The following PLAAT1 variants were observed in gnomAD, a reference collection of about 807,000 sequenced individuals.
PLAAT1 encodes phospholipase A and acyltransferase 1.
In PLAAT1, 13 loss-of-function variants were observed where a neutral mutation model predicts 16.4. That is an observed-to-expected ratio of 0.79 (90% CI 0.52 to 1.26). The LOEUF is 1.26. Among genes scored for constraint, PLAAT1 ranks in the 50% most tolerant of loss-of-function variants. PLAAT1 has a pLI of 0.00. For missense variants in PLAAT1, 218 were observed against 207.8 expected, an observed-to-expected ratio of 1.05 and a Z score of -0.30; for synonymous variants, 73 against 78.4, an observed-to-expected ratio of 0.93 and a Z score of 0.36.
downstream of PLAAT1, chr3:193,275,078 G>GC: frequency 6.2e-7 from 1 of 1,614,158 alleles, no homozygotes; most frequent in Non-Finnish European, 8.5e-7. Flanking sequence ...CTGTGGGTTG[G>GC]CCTCCCAATT....
At chr3:193,267,413 C>T (rs1356010856) in intron 3 of PLAAT1, among the ~76,000 whole-genome samples, 3 of 152,010 alleles carry the variant, frequency 2.0e-5, no homozygotes, top group African/African-American at 2.4e-5. Context: ...TTTACCATCT[C>T]CATAGTTTTC....
At chr3:193,276,200 ACT>A (rs1717191761) in intron 2 of PLAAT1, among the ~76,000 whole-genome samples, 1 of 152,168 alleles carries the variant, frequency 6.6e-6, no homozygotes, top group South Asian at 2.1e-4. Context: ...TTAAAATAAA[ACT>A]CTCCTTTTAC....
intron 3 of PLAAT1, among the ~76,000 whole-genome samples, chr3:193,264,679 A>G (rs901822815): frequency 6.6e-6 from 1 of 151,794 alleles, no homozygotes; most frequent in Non-Finnish European, 1.5e-5. Flanking sequence ...AATTTTTTGT[A>G]TTTTTAGTAG....
intron 1 of PLAAT1, among the ~76,000 whole-genome samples, chr3:193,248,658 A>G (rs1716071048): frequency 6.6e-6 from 1 of 152,086 alleles, no homozygotes; most frequent in Non-Finnish European, 1.5e-5. Context: ...TTAAGCTTAT[A>G]ATTACTTCAC....
chr3:193,259,191 C>T (rs1716496613), intron 2 of PLAAT1, among the ~76,000 whole-genome samples: 1 of 152,158 alleles, frequency 6.6e-6, no homozygotes, highest in East Asian at 1.9e-4. Flanking sequence ...ACACAACATC[C>T]CTTCATGTTA....
downstream of PLAAT1, among the ~76,000 whole-genome samples, chr3:193,279,976 TAAAAAAAAAAAAAA>T (rs57617984): frequency 1.7e-5 from 1 of 59,890 alleles, no homozygotes; most frequent in Admixed American, 3.0e-4. Flanking sequence ...GTGTCTTTGT[TAAAAAAAAAAAAAA>T]AAAAAAAAAA....
At chr3:193,256,868 G>A (rs373725517) in intron 2 of PLAAT1, among the ~76,000 whole-genome samples, 54 of 152,130 alleles carry the variant, frequency 3.5e-4, no homozygotes, top group African/African-American at 1.3e-3. Context: ...TTTCAATAGG[G>A]GAATGGTTAA....
At chr3:193,251,361 A>G (rs188209419) in intron 1 of PLAAT1, among the ~76,000 whole-genome samples, 76 of 152,234 alleles carry the variant, frequency 5.0e-4, no homozygotes, top group African/African-American at 1.7e-3. Context: ...TTTTTTTGCT[A>G]TATAGGCTCC....
chr3:193,278,296 C>T (rs905402881), downstream of PLAAT1, among the ~76,000 whole-genome samples: 2 of 152,192 alleles, frequency 1.3e-5, no homozygotes, highest in Non-Finnish European at 2.9e-5. Context: ...TTCCTGCCGT[C>T]ATCTAATTAG....
intron 1 of PLAAT1, among the ~76,000 whole-genome samples, chr3:193,250,518 G>T (rs913552354): frequency 2.0e-5 from 3 of 152,102 alleles, no homozygotes; most frequent in Non-Finnish European, 4.4e-5. Context: ...TGTTGTCTAC[G>T]AGACTCAAAA....
chr3:193,248,361 C>G (rs776745402), intron 1 of PLAAT1, among the ~76,000 whole-genome samples: 2 of 151,550 alleles, frequency 1.3e-5, no homozygotes, highest in Non-Finnish European at 2.9e-5. Context: ...TTTTTTAATC[C>G]ATTGAACCAT....
chr3:193,255,546 G>T, intron 1 of PLAAT1, 105 bp from the exon 2 acceptor site: 4 of 1,092,872 alleles, frequency 3.7e-6, no homozygotes, highest in Non-Finnish European at 5.2e-6. Context: ...AATATAGAAT[G>T]CAGTCTCAAT....
chr3:193,263,142 T>C lies in PLAAT1; in HGVS notation c.312T>C (p.Phe104=), dbSNP rs1240438697. 6.2e-7 allele frequency: 1 copy of C among 1,614,214 alleles called. No individual in the cohort carries two copies. The highest frequency in any genetic ancestry group is 2.2e-5 in the East Asian group (1 of 44,880). Residue 104 remains phenylalanine, a synonymous_variant, in exon 3 of 4, where the codon TTT becomes TTC. Coordinates refer to ENST00000264735, the MANE Select transcript of PLAAT1 (RefSeq NM_020386.5). The part of the protein sequence containing the change: ...PVEEIIKRSE[F]VIGQEVAYNL... ...AAGAAATCATAAAGCGGTCAGAGTT[T>C]GTAATTGGACAGGAGGTGGCCTATA...
chr3:193,279,370 A>T, downstream of PLAAT1: 2 of 1,613,056 alleles, frequency 1.2e-6, no homozygotes, highest in African/African-American at 1.3e-5. Flanking sequence ...ACTTACCTCC[A>T]TTCCACGGTA....
In PLAAT1 at chr3:193,263,109, C is replaced by T. The variant is rs1560104125; in HGVS notation, c.279C>T (p.Leu93=). 6.2e-7 allele frequency: 1 copy of T among 1,614,188 alleles called. No homozygotes were observed. The highest frequency in any genetic ancestry group is 2.2e-5 in the East Asian group (1 of 44,886). The stretch of plus-strand genomic sequence containing the variant: ...AATACGATGAAACGTACCCCCCTCT[C>T]CCTGTGGAAGAAATCATAAAGCGGT... ...NNKYDETYPP[L]PVEEIIKRSE... is the part of the protein sequence containing the mutation. The change falls in exon 3 of 4, where the codon CTC becomes CTT. Residue 93 remains leucine (L), a synonymous_variant. Coordinates refer to ENST00000264735, the MANE Select transcript of PLAAT1 (RefSeq NM_020386.5).
In PLAAT1 at chr3:193,262,965, T is replaced by C; in HGVS notation, c.140-5T>C. 2 of 1,614,002 alleles carry C rather than the reference T, an allele frequency of 1.2e-6. No homozygotes were observed. The highest frequency in any genetic ancestry group is 1.7e-6 in the Non-Finnish European group (2 of 1,179,920). The stretch of plus-strand genomic sequence containing the variant: ...TACCTTACTAACCAGAATTCTACTT[T>C]ATAGATGGCATTCCTGCGTCCTTTA... On this transcript the variant is annotated splice_polypyrimidine_tract_variant and splice_region_variant and intron_variant, in intron 2 of 3. Transcript: ENST00000264735.
chr3:193,264,792 C>T (rs1347411691), intron 3 of PLAAT1, among the ~76,000 whole-genome samples: 3 of 152,184 alleles, frequency 2.0e-5, no homozygotes, highest in Non-Finnish European at 2.9e-5. Flanking sequence ...GGATTACAGG[C>T]GTGAGCCACC....
At chr3:193,280,744 C>A (rs1040080232), downstream of PLAAT1, among the ~76,000 whole-genome samples, 1 of 152,138 alleles carries the variant, frequency 6.6e-6, no homozygotes, top group Admixed American at 6.6e-5. Context: ...AGAATTATCA[C>A]CTTCAGGCCC....
downstream of PLAAT1, among the ~76,000 whole-genome samples, chr3:193,271,446 A>G (rs968625109): frequency 1.3e-5 from 2 of 152,240 alleles, no homozygotes; most frequent in African/African-American, 4.8e-5. Flanking sequence ...TTAAAATGCC[A>G]TATTTGGAAA....
Sources: allele counts gnomAD v4.1 joint callset (sites outside exome capture counted in the v4.1 genomes callset), GRCh38; gene constraint gnomAD v4.1.1; transcripts MANE v1.5; gene names NCBI Gene and HGNC (gene_info 2026-07-23, HGNC 2026-07-21).